Variants in PCDHGA3 observed in about 807,000 individuals in gnomAD.
PCDHGA3 encodes the protein protocadherin gamma subfamily A, 3, also known as protocadherin gamma-A3.
PCDHGA3 carries 40 observed loss-of-function variants against 58.5 expected under a neutral mutation model. The ratio of observed to expected loss-of-function variants is 0.68; its 90% CI spans 0.53 to 0.89. The LOEUF (loss-of-function observed/expected upper bound fraction) is 0.89, where lower values mean the gene tolerates loss of function less well. Among genes scored for constraint, PCDHGA3 ranks in the 40% least tolerant of loss-of-function variants. The pLI, the probability that PCDHGA3 is intolerant of heterozygous loss-of-function variation, is 0.00. For missense variants in PCDHGA3, 1,223 were observed against 1,195.9 expected, an observed-to-expected ratio of 1.02 and a Z score of -0.33; for synonymous variants, 530 against 525.7, an observed-to-expected ratio of 1.01 and a Z score of -0.11.
chr5:141,400,558 C>A, intron 1 of PCDHGA3: 1 of 1,613,290 alleles, frequency 6.2e-7, no homozygotes, highest in Non-Finnish European at 8.5e-7. Context: ...TTTTTCATTA[C>A]CCACCCAATT....
At chr5:141,502,056 C>A (rs1163976282) in intron 2 of PCDHGA3, among the ~76,000 whole-genome samples, 1 of 152,116 alleles carries the variant, frequency 6.6e-6, no homozygotes, top group Non-Finnish European at 1.5e-5. Context: ...CTACTTTATT[C>A]CCATTAGCCC....
chr5:141,362,675 T>C (rs1187670127), intron 1 of PCDHGA3: 1 of 1,249,402 alleles, frequency 8.0e-7, no homozygotes, highest in Admixed American at 2.8e-5. Context: ...TGTGCCTTAA[T>C]TGTCTTAATC....
At chr5:141,365,464 A>G in intron 1 of PCDHGA3, 3 of 1,614,072 alleles carry the variant, frequency 1.9e-6, no homozygotes, top group Non-Finnish European at 2.5e-6. Flanking sequence ...ATTCTGGAGA[A>G]AATGGTGAGA....
chr5:141,417,940 C>A, intron 1 of PCDHGA3: 2 of 1,613,054 alleles, frequency 1.2e-6, no homozygotes, highest in Non-Finnish European at 1.7e-6. Flanking sequence ...TGTTCTACCC[C>A]ACGCTGTGTG....
At chr5:141,480,726 G>A (rs2099524533) in intron 1 of PCDHGA3, among the ~76,000 whole-genome samples, 1 of 152,138 alleles carries the variant, frequency 6.6e-6, no homozygotes, top group Non-Finnish European at 1.5e-5. Context: ...CACAGTCTCT[G>A]GGGGTGGGAC....
In PCDHGA3 at chr5:141,490,081, T is replaced by A; in HGVS notation, c.2425-4726T>A. Reference sequence around the variant, plus strand: ...CACCAACGGCCAACTAGACTATTCTTTTGGAGACCACACATCTGAGGCAGT... The same window carrying A: ...CACCAACGGCCAACTAGACTATTCTATTGGAGACCACACATCTGAGGCAGT... On this transcript the variant is annotated intron_variant, in intron 1 of 3. Coordinates refer to ENST00000253812, the MANE Select transcript of PCDHGA3 (RefSeq NM_018916.4). The surrounding 1 kb of genome is among the most constrained non-coding windows in gnomAD (Gnocchi z 5.4). 3 of 1,614,216 alleles carry A rather than the reference T, an allele frequency of 1.9e-6. No homozygotes were observed. Among genetic ancestry groups the A allele is most frequent in the Non-Finnish European group, 2.5e-6 (3 of 1,180,040 alleles).
chr5:141,423,170 A>G, intron 1 of PCDHGA3: 8 of 1,613,504 alleles, frequency 5.0e-6, no homozygotes, highest in Non-Finnish European at 6.8e-6. Context: ...GTGGCCGTCC[A>G]GGACCACGGC....
chr5:141,394,789 C>G (rs747304715), intron 1 of PCDHGA3: 1 of 1,613,728 alleles, frequency 6.2e-7, no homozygotes, highest in Non-Finnish European at 8.5e-7. Context: ...GCCACTGTCA[C>G]GCTCACCGTA....
At chr5:141,409,832 G>A (rs777679132) in intron 1 of PCDHGA3, 20 of 1,610,814 alleles carry the variant, frequency 1.2e-5, no homozygotes, top group Non-Finnish European at 1.6e-5. Context: ...CACGCTCAGC[G>A]CCAACGTGAG....
At chr5:141,494,514 G>T (rs1457018569) in intron 1 of PCDHGA3, among the ~76,000 whole-genome samples, 2 of 152,160 alleles carry the variant, frequency 1.3e-5, no homozygotes, top group South Asian at 2.1e-4. Context: ...TTTTGGCTCA[G>T]GAGTTCTGAC....
chr5:141,454,564 G>A (rs896426143), intron 1 of PCDHGA3, among the ~76,000 whole-genome samples: 1 of 151,874 alleles, frequency 6.6e-6, no homozygotes, highest in Non-Finnish European at 1.5e-5. Context: ...GTGCCACCAC[G>A]CCCGGCTAAT....
At chr5:141,375,449 TC>T in intron 1 of PCDHGA3, 1 of 1,613,978 alleles carries the variant, frequency 6.2e-7, no homozygotes, top group Non-Finnish European at 8.5e-7. Context: ...CCCCCATTCA[TC>T]CTACTCAGTC....
At chr5:141,409,357 T>C (rs754237134) in intron 1 of PCDHGA3, 4 of 1,613,968 alleles carry the variant, frequency 2.5e-6, no homozygotes, top group Non-Finnish European at 2.5e-6. Flanking sequence ...TCAGGTGTAA[T>C]ATAGAAACAG....
intron 1 of PCDHGA3, chr5:141,475,926 G>C: frequency 4.8e-6 from 3 of 619,440 alleles, no homozygotes; most frequent in East Asian, 2.9e-5. Context: ...GCTGGAGATC[G>C]GGCCCCTGCC....
chr5:141,356,496 G>C, intron 1 of PCDHGA3: 1 of 1,613,960 alleles, frequency 6.2e-7, no homozygotes. Context: ...CTCCTCCACT[G>C]TCTACAGAAA....
In PCDHGA3 at chr5:141,350,025, GA is replaced by G. The variant is rs567824842; in HGVS notation, c.2424+3569del. 116 of 371,848 alleles carry G rather than the reference GA, an allele frequency of 3.1e-4. 2 individuals carry two copies. The South Asian group carries it at 0.012, about 40-fold the overall frequency. The allele number at this position is 371,848 out of a possible 1,614,324, so 23.0% of individuals were successfully genotyped here. On this transcript the variant is annotated intron_variant, in intron 1 of 3. Transcript: ENST00000253812. ...AGCTGGGCCCTGTGCAGTTTTCCAA[GA>G]CAACCTCTGGGCGCCGCTGTCGACC...
rs1561589443 is a variant in PCDHGA3, at chr5:141,381,835, T to TCTTCTTC, written c.2424+35378_2424+35379insCTTCTTC. Reference sequence around the variant, plus strand: ...TTCTTTCTTTCTTCTTCTTTTTTTTTTTTTTTTTTTTTTGGCAGAGTTTTG... The same window carrying TCTTCTTC: ...TTCTTTCTTTCTTCTTCTTTTTTTTTCTTCTTCTTTTTTTTTTTTTGGCAGAGTTTTG... On this transcript the variant is annotated intron_variant, in intron 1 of 3. Coordinates refer to ENST00000253812, the MANE Select transcript of PCDHGA3 (RefSeq NM_018916.4). 3.4e-3 allele frequency among the ~76,000 whole-genome samples: 481 copies of TCTTCTTC among 141,024 alleles called. 2 individuals carry two copies. Among genetic ancestry groups the TCTTCTTC allele is most frequent in the African/African-American group, 0.012 (438 of 36,478 alleles). The allele number at this position is 141,024 out of a possible 152,430, so 92.5% of individuals were successfully genotyped here. A position where few individuals can be genotyped will look rare whatever the true frequency, so the allele number is the denominator to read the frequency against.
intron 1 of PCDHGA3, chr5:141,440,921 G>C (rs1213425379): frequency 6.6e-6 from 1 of 152,260 alleles, no homozygotes; most frequent in Non-Finnish European, 1.5e-5. Context: ...TGTGCTGAGA[G>C]TGAGGGCCAC....
chr5:141,362,130 G>A (rs762720403), intron 1 of PCDHGA3: 3 of 1,613,918 alleles, frequency 1.9e-6, no homozygotes, highest in African/African-American at 1.3e-5. Context: ...TAATCTTCGC[G>A]GATAGCCTGC....
Sources: allele counts gnomAD v4.1 joint callset (sites outside exome capture counted in the v4.1 genomes callset), GRCh38; gene constraint gnomAD v4.1.1; non-coding constraint Gnocchi (gnomAD v3.1); transcripts MANE v1.5; gene names NCBI Gene and HGNC (gene_info 2026-07-23, HGNC 2026-07-21).